Variants in NT5C3A observed in about 807,000 individuals in gnomAD.
The protein encoded by NT5C3A is 5'-nucleotidase, cytosolic IIIA, also known as cytosolic 5'-nucleotidase 3A.
Under a neutral mutation model 40.0 loss-of-function variants are expected in NT5C3A, and 23 were observed. That is an observed-to-expected ratio of 0.58 (90% CI 0.41 to 0.81). NT5C3A has a LOEUF of 0.81. NT5C3A is among the 40% of genes least tolerant of loss of function. The pLI is 0.00. For missense variants in NT5C3A, 328 were observed against 403.0 expected, an observed-to-expected ratio of 0.81 and a Z score of 1.59; for synonymous variants, 130 against 141.4, an observed-to-expected ratio of 0.92 and a Z score of 0.57.
intron 1 of NT5C3A, among the ~76,000 whole-genome samples, chr7:33,032,202 T>A (rs1786304445): frequency 6.6e-6 from 1 of 151,950 alleles, no homozygotes; most frequent in Non-Finnish European, 1.5e-5. Context: ...GGCAGGCAGA[T>A]CACCAGAGGT....
chr7:33,024,157 C>A, intron 2 of NT5C3A, 49 bp from the exon 3 acceptor site: 1 of 1,058,932 alleles, frequency 9.4e-7, no homozygotes. Flanking sequence ...CCCACATGGC[C>A]AGAATTTCTC....
At chr7:33,034,764 C>T (rs1320397242) in intron 1 of NT5C3A, among the ~76,000 whole-genome samples, 2 of 151,974 alleles carry the variant, frequency 1.3e-5, no homozygotes, top group Admixed American at 6.5e-5. Context: ...TGCTGTGTCA[C>T]GCTCTAGTTT....
chr7:33,041,359 A>G (rs1786903857), intron 1 of NT5C3A, among the ~76,000 whole-genome samples: 1 of 152,232 alleles, frequency 6.6e-6, no homozygotes, highest in Non-Finnish European at 1.5e-5. Flanking sequence ...TTTCAGTTTT[A>G]GAAGATGAAA....
At position 33,014,689 on chromosome 7, in the gene NT5C3A, A is replaced by C. The variant is rs756269845; in HGVS notation, c.*41T>G. Reference sequence around the variant, plus strand: ...GCAAGATGAACGGATGAACAGTTCAATTGCACCCACAGGAGAGAGGTCTTC... The same window carrying C: ...GCAAGATGAACGGATGAACAGTTCACTTGCACCCACAGGAGAGAGGTCTTC... On this transcript the variant is annotated 3_prime_UTR_variant, in exon 9 of 9. Transcript: ENST00000610140. 2 of 1,591,208 alleles carry C rather than the reference A, an allele frequency of 1.3e-6. No individual in the cohort carries two copies. The highest frequency in any genetic ancestry group is 2.7e-5 in the African/African-American group (2 of 74,664).
chr7:33,044,062 C>T (rs1474699621), intron 1 of NT5C3A, among the ~76,000 whole-genome samples: 1 of 151,516 alleles, frequency 6.6e-6, no homozygotes, highest in Middle Eastern at 3.4e-3. Context: ...GGTTCACTCC[C>T]GTTGCCCAGT....
intron 1 of NT5C3A, among the ~76,000 whole-genome samples, chr7:33,039,258 C>T (rs905934582): frequency 6.6e-6 from 1 of 152,008 alleles, no homozygotes; most frequent in African/African-American, 2.4e-5. Flanking sequence ...CTTAAAGTAC[C>T]TGAATGCAAA....
intron 1 of NT5C3A, among the ~76,000 whole-genome samples, chr7:33,052,715 C>T (rs557232930): frequency 2.0e-5 from 3 of 152,164 alleles, no homozygotes; most frequent in African/African-American, 4.8e-5. Context: ...TTTTGTTACA[C>T]ATAAAATTTG....
intron 1 of NT5C3A, 42 bp downstream of exon 1, chr7:33,062,526 G>A (rs748158056): frequency 2.6e-6 from 4 of 1,565,924 alleles, no homozygotes; most frequent in African/African-American, 1.4e-5. Context: ...CGGCCCAGCC[G>A]GCCCCTCGCG....
At chr7:33,057,106 C>T (rs913902024) in intron 1 of NT5C3A, among the ~76,000 whole-genome samples, 1 of 152,158 alleles carries the variant, frequency 6.6e-6, no homozygotes, top group African/African-American at 2.4e-5. Flanking sequence ...AGCCACCGCA[C>T]CCGGCCCTTT....
At chr7:33,058,319 G>A (rs1787645263) in intron 1 of NT5C3A, among the ~76,000 whole-genome samples, 2 of 151,114 alleles carry the variant, frequency 1.3e-5, no homozygotes, top group Non-Finnish European at 2.9e-5. Flanking sequence ...AATTCAGTAT[G>A]AATAGTACAC....
At chr7:33,055,093 G>A (rs1787519305) in intron 1 of NT5C3A, among the ~76,000 whole-genome samples, 1 of 152,214 alleles carries the variant, frequency 6.6e-6, no homozygotes, top group African/African-American at 2.4e-5. Flanking sequence ...GGGAGGCCAA[G>A]GCGGGCGGAT....
intron 1 of NT5C3A, among the ~76,000 whole-genome samples, chr7:33,052,227 T>C (rs1189235578): frequency 6.6e-6 from 1 of 151,894 alleles, no homozygotes; most frequent in Non-Finnish European, 1.5e-5. Flanking sequence ...CTCACACCTG[T>C]AATCCAAGCA....
In NT5C3A at chr7:33,048,196, G is replaced by A. The variant is rs904316275; in HGVS notation, c.138+14372C>T. ...TTGATTTGTGTGTGTGTGTGTGTGT[G>A]TGGTTTTTTTTTGATGTATTTGATT... On this transcript the variant is annotated intron_variant, in intron 1 of 8. Transcript: ENST00000610140. Among the ~76,000 whole-genome samples, 77 of 150,192 alleles carry A rather than the reference G, an allele frequency of 5.1e-4. 1 individual carries two copies. Among genetic ancestry groups the A allele is most frequent in the African/African-American group, 1.8e-3 (75 of 40,858 alleles).
Position 33,014,755 on chromosome 7 carries a change from T to C in NT5C3A, c.971A>G (p.Asn324Ser), listed in dbSNP as rs534306255. The C allele has an allele frequency of 6.2e-6, 10 of 1,612,634 alleles. No individual in the cohort carries two copies. In the South Asian group the frequency reaches 9.9e-5, roughly 16 times the overall value. Residue 324 changes from asparagine to serine, a missense_variant, in exon 9 of 9, where the codon AAC (asparagine) becomes AGC (serine). Physicochemically the swap from Asn to Ser is conservative, Grantham distance 46. Coordinates refer to ENST00000610140, the MANE Select transcript of NT5C3A (RefSeq NM_001002010.5). ...LVQDESLEVA[N>S]SILQKIL The stretch of plus-strand genomic sequence containing the variant: ...TTATAGAATCTTCTGTAAAATAGAG[T>C]TGGCTACTTCTAATGATTCATCTTG...
intron 1 of NT5C3A, chr7:33,029,297 G>T: frequency 5.7e-6 from 1 of 175,942 alleles, no homozygotes; most frequent in Non-Finnish European, 1.2e-5. Flanking sequence ...TATTTACCAT[G>T]TGTCTACTTT....
At chr7:33,049,969 C>CAAAAAAAAAAAAAAAAAAAAAAAAAA (rs61035673) in intron 1 of NT5C3A, among the ~76,000 whole-genome samples, 1 of 58,462 alleles carries the variant, frequency 1.7e-5, no homozygotes, top group African/African-American at 5.5e-5. Flanking sequence ...GACTCCATCT[C>CAAAAAAAAAAAAAAAAAAAAAAAAAA]AAAAAAAAAA....
chr7:33,044,180 CA>C (rs987312898), intron 1 of NT5C3A, among the ~76,000 whole-genome samples: 4 of 152,032 alleles, frequency 2.6e-5, no homozygotes, highest in Admixed American at 1.3e-4. Flanking sequence ...AGGCATGCAC[CA>C]CCAAGCCCAG....
In NT5C3A at chr7:33,042,170, C is replaced by T. The variant is rs762307958; in HGVS notation, c.139-15255G>A. Among the ~76,000 whole-genome samples, 3 of 152,052 alleles carry T rather than the reference C, an allele frequency of 2.0e-5. No homozygotes were observed. In the East Asian group the frequency reaches 5.8e-4, roughly 29 times the overall value. On this transcript the variant is annotated intron_variant, in intron 1 of 8. Transcript: ENST00000610140. ...TGGCTAACATGATGAAACCCCATCTCTACCAAAAATACAAAAAATTAGCCG... is the reference window on the plus strand; with the variant it reads ...TGGCTAACATGATGAAACCCCATCTTTACCAAAAATACAAAAAATTAGCCG...
intron 2 of NT5C3A, among the ~76,000 whole-genome samples, chr7:33,026,332 G>C (rs1785926969): frequency 8.2e-6 from 1 of 122,066 alleles, no homozygotes; most frequent in Non-Finnish European, 1.6e-5. Context: ...CTGGGCAACA[G>C]AGCGAGACTC....
Sources: gnomAD v4.1 joint callset for allele counts (sites outside exome capture counted in the v4.1 genomes callset) on GRCh38, gnomAD v4.1.1 for gene constraint, MANE v1.5 for transcripts, NCBI Gene and HGNC (gene_info 2026-07-23, HGNC 2026-07-21) for gene names.